DLGAP2: variants seen among roughly 807,000 people sequenced by gnomAD.
DLGAP2 encodes DLG associated protein 2.
Under a neutral mutation model 100.3 loss-of-function variants are expected in DLGAP2, and 26 were observed. That is an observed-to-expected ratio of 0.26 (90% CI 0.19 to 0.36). The LOEUF (loss-of-function observed/expected upper bound fraction) is 0.36. DLGAP2 is among the 10% of genes least tolerant of loss of function. DLGAP2 has a pLI of 1.00. For missense variants in DLGAP2, 1,858 were observed against 1,453.2 expected, an observed-to-expected ratio of 1.28 and a Z score of -4.53; for synonymous variants, 886 against 630.1, an observed-to-expected ratio of 1.41 and a Z score of -6.08.
intron 2 of DLGAP2, among the ~76,000 whole-genome samples, chr8:1,200,068 C>G (rs1050779539): frequency 6.6e-6 from 1 of 152,082 alleles, no homozygotes; most frequent in South Asian, 2.1e-4. Context: ...AGGACGACTC[C>G]GTACAGGGAA....
At chr8:1,069,866 G>T (rs934824587) in intron 2 of DLGAP2, among the ~76,000 whole-genome samples, 1 of 152,114 alleles carries the variant, frequency 6.6e-6, no homozygotes, top group African/African-American at 2.4e-5. Flanking sequence ...TGCGGAAGAG[G>T]CCAGAAGCCA....
intron 3 of DLGAP2, among the ~76,000 whole-genome samples, chr8:1,428,777 T>A (rs6558472): frequency 2.0e-4 from 31 of 152,064 alleles, no homozygotes; most frequent in African/African-American, 7.2e-4. Context: ...GCCATGTGGC[T>A]CATATCAGTG....
At chr8:777,739 T>G (rs1246464167) in intron 1 of DLGAP2, among the ~76,000 whole-genome samples, 1 of 152,172 alleles carries the variant, frequency 6.6e-6, no homozygotes, top group Non-Finnish European at 1.5e-5. Flanking sequence ...CTGATGGGCT[T>G]CCCTTTGAGG....
intron 2 of DLGAP2, among the ~76,000 whole-genome samples, chr8:1,009,920 C>G (rs983031609): frequency 6.6e-6 from 1 of 152,142 alleles, no homozygotes; most frequent in Non-Finnish European, 1.5e-5. Context: ...CATTAACAAG[C>G]CAGTAAGGTC....
chr8:1,679,788 C>G (rs1056843593), intron 12 of DLGAP2, among the ~76,000 whole-genome samples: 2 of 152,096 alleles, frequency 1.3e-5, no homozygotes, highest in African/African-American at 4.8e-5. Flanking sequence ...TACAGATCAG[C>G]CTGGCCAACA....
intron 2 of DLGAP2, among the ~76,000 whole-genome samples, chr8:1,166,087 C>T (rs1192231940): frequency 6.6e-6 from 1 of 152,200 alleles, no homozygotes. Context: ...GAGGCTCTTG[C>T]CCTCTCTCAG....
intron 3 of DLGAP2, among the ~76,000 whole-genome samples, chr8:1,343,850 C>G (rs1018585852): frequency 2.0e-5 from 3 of 152,096 alleles, no homozygotes; most frequent in African/African-American, 4.8e-5. Context: ...AGATGATGCT[C>G]CAATTCCAGG....
intron 2 of DLGAP2, among the ~76,000 whole-genome samples, chr8:1,088,538 T>G (rs533719223): frequency 6.6e-6 from 1 of 152,172 alleles, no homozygotes; most frequent in African/African-American, 2.4e-5. Flanking sequence ...GTCAAATCTC[T>G]GACATGTGGT....
intron 10 of DLGAP2, among the ~76,000 whole-genome samples, chr8:1,671,729 C>T (rs761533556): frequency 2.6e-5 from 4 of 152,252 alleles, no homozygotes; most frequent in East Asian, 1.9e-4. Context: ...GAGCAGAAGC[C>T]AGCGGCAAGT....
intron 2 of DLGAP2, among the ~76,000 whole-genome samples, chr8:998,100 AAC>A (rs1800837911): frequency 6.6e-6 from 1 of 152,190 alleles, no homozygotes; most frequent in African/African-American, 2.4e-5. Flanking sequence ...TCTGCACAGA[AAC>A]ATACACACGT....
chr8:772,364 C>T (rs567335420), intron 1 of DLGAP2, among the ~76,000 whole-genome samples: 8 of 152,078 alleles, frequency 5.3e-5, no homozygotes, highest in African/African-American at 7.2e-5. Flanking sequence ...GCTCTGTTGC[C>T]GAGGCTGGAG....
chr8:1,555,861 C>A (rs1233691619), intron 5 of DLGAP2, among the ~76,000 whole-genome samples: 4 of 152,222 alleles, frequency 2.6e-5, no homozygotes, highest in African/African-American at 9.7e-5. Flanking sequence ...TGTTGGCTAG[C>A]CTTGTGTCTG....
chr8:1,410,249 C>T (rs1796689260), intron 3 of DLGAP2, among the ~76,000 whole-genome samples: 1 of 152,142 alleles, frequency 6.6e-6, no homozygotes, highest in South Asian at 2.1e-4. Context: ...AGAATCTTTG[C>T]ATTGTGAGGC....
chr8:1,254,764 T>G (rs1390615262), intron 2 of DLGAP2, among the ~76,000 whole-genome samples: 2 of 151,998 alleles, frequency 1.3e-5, no homozygotes, highest in East Asian at 3.9e-4. Context: ...GTGTGCAGAG[T>G]TGTTGACTTT....
At chr8:1,129,449 A>G (rs1459828514) in intron 2 of DLGAP2, among the ~76,000 whole-genome samples, 1 of 152,132 alleles carries the variant, frequency 6.6e-6, no homozygotes, top group Non-Finnish European at 1.5e-5. Context: ...CTGATTAAAA[A>G]TTGAAAGTGA....
chr8:1,669,463 A>T (rs565370756), intron 9 of DLGAP2, among the ~76,000 whole-genome samples: 1 of 152,278 alleles, frequency 6.6e-6, no homozygotes, highest in East Asian at 1.9e-4. Context: ...GATCTGGCGG[A>T]CGTGGTTGAG....
rs535739744 is a variant in DLGAP2 at position 1,009,758 on chromosome 8, C to A, written c.73+101792C>A. ...AGAGTGGGCCACCTCTCATTTGTCT[C>A]CACAGCCTAGACCTTGCTCACATAA... On this transcript the variant is annotated intron_variant, in intron 2 of 14. Coordinates refer to ENST00000637795, the MANE Select transcript of DLGAP2 (RefSeq NM_001346810.2). 1.9e-3 allele frequency among the ~76,000 whole-genome samples: 295 copies of A among 152,320 alleles called. 3 individuals are homozygous for A. Among genetic ancestry groups the A allele is most frequent in the African/African-American group, 6.9e-3 (285 of 41,552 alleles).
At chr8:1,244,211 G>A (rs62487826) in intron 2 of DLGAP2, among the ~76,000 whole-genome samples, 16,353 of 152,270 alleles carry the variant, frequency 0.11, 1,018 homozygotes, top group South Asian at 0.16. Flanking sequence ...GTAGGTGCAC[G>A]TACCTGTGTC....
At chr8:766,795 G>A (rs968145934) in intron 1 of DLGAP2, among the ~76,000 whole-genome samples, 2 of 152,190 alleles carry the variant, frequency 1.3e-5, no homozygotes, top group Non-Finnish European at 2.9e-5. Flanking sequence ...CAGTCCAGAT[G>A]GACACTGTGT....
Sources: allele counts gnomAD v4.1 joint callset (sites outside exome capture counted in the v4.1 genomes callset), GRCh38; gene constraint gnomAD v4.1.1; transcripts MANE v1.5; gene names NCBI Gene and HGNC (gene_info 2026-07-23, HGNC 2026-07-21).